Variants in PAK5 observed in about 807,000 individuals in gnomAD.
The protein encoded by PAK5 is p21 (RAC1) activated kinase 5.
In PAK5, 16 loss-of-function variants were observed where a neutral mutation model predicts 65.9. That is an observed-to-expected ratio of 0.24 (90% CI 0.16 to 0.37). The LOEUF is 0.37. Among genes scored for constraint, PAK5 ranks in the 10% least tolerant of loss-of-function variants. The probability of loss-of-function intolerance (pLI) is 1.00; values close to 1 mark genes in which losing one functional copy is unlikely to be tolerated. For missense variants in PAK5, 785 were observed against 903.9 expected, an observed-to-expected ratio of 0.87 and a Z score of 1.69; for synonymous variants, 371 against 354.9, an observed-to-expected ratio of 1.05 and a Z score of -0.51.
At chr20:9,664,646 T>C (rs994794692) in intron 2 of PAK5, among the ~76,000 whole-genome samples, 1 of 152,188 alleles carries the variant, frequency 6.6e-6, no homozygotes, top group Non-Finnish European at 1.5e-5. Flanking sequence ...TTTTTAATTA[T>C]TTCGCCCACA....
intron 1 of PAK5, among the ~76,000 whole-genome samples, chr20:9,816,921 T>C (rs1216221169): frequency 6.6e-6 from 1 of 152,174 alleles, no homozygotes; most frequent in African/African-American, 2.4e-5. Flanking sequence ...GAATCTTGTG[T>C]CTGCTACTAA....
chr20:9,705,107 C>T (rs2047989262), intron 2 of PAK5, among the ~76,000 whole-genome samples: 1 of 152,162 alleles, frequency 6.6e-6, no homozygotes, highest in African/African-American at 2.4e-5. Flanking sequence ...GCTAAATGTG[C>T]TGCAAGGCAC....
At chr20:9,571,908 C>G (rs1474638577) in intron 4 of PAK5, among the ~76,000 whole-genome samples, 1 of 126,290 alleles carries the variant, frequency 7.9e-6, no homozygotes, top group Non-Finnish European at 1.6e-5. Flanking sequence ...CAGGGGCGGG[C>G]AGAGTGGGCA....
chr20:9,596,350 A>G (rs1236032707), intron 3 of PAK5, among the ~76,000 whole-genome samples: 2 of 152,108 alleles, frequency 1.3e-5, no homozygotes, highest in African/African-American at 4.8e-5. Flanking sequence ...GAAATAGACT[A>G]CAGAGGCCAG....
intron 1 of PAK5, among the ~76,000 whole-genome samples, chr20:9,757,577 G>A (rs1190551728): frequency 6.6e-6 from 1 of 152,068 alleles, no homozygotes; most frequent in Non-Finnish European, 1.5e-5. Context: ...GAGTTCAGAG[G>A]TTCTGAGATT....
chr20:9,836,570 A>G (rs1192321263), intron 1 of PAK5, among the ~76,000 whole-genome samples: 2 of 152,158 alleles, frequency 1.3e-5, no homozygotes, highest in African/African-American at 4.8e-5. Context: ...GGCCCTGACA[A>G]CATCTTGATT....
intron 8 of PAK5, among the ~76,000 whole-genome samples, chr20:9,543,389 C>T (rs1164238777): frequency 6.6e-6 from 1 of 152,126 alleles, no homozygotes; most frequent in Non-Finnish European, 1.5e-5. Flanking sequence ...GTCCCACTCA[C>T]TTTCCTGTTA....
chr20:9,825,577 A>C (rs1325751559), intron 1 of PAK5, among the ~76,000 whole-genome samples: 1 of 152,176 alleles, frequency 6.6e-6, no homozygotes, highest in Non-Finnish European at 1.5e-5. Context: ...TTTCCATTTC[A>C]GTTTAGTTCA....
At chr20:9,812,716 ATAGT>A (rs754832090) in intron 1 of PAK5, among the ~76,000 whole-genome samples, 12 of 152,202 alleles carry the variant, frequency 7.9e-5, no homozygotes, top group African/African-American at 2.2e-4. Context: ...AACAAATTAG[ATAGT>A]TAGAAGGAAT....
At chr20:9,669,581 C>G (rs146917849) in intron 2 of PAK5, among the ~76,000 whole-genome samples, 27 of 152,076 alleles carry the variant, frequency 1.8e-4, no homozygotes, top group African/African-American at 6.3e-4. Flanking sequence ...GAGAGAAGAG[C>G]TTTATCTATC....
At chr20:9,701,349 C>T (rs2064283) in intron 2 of PAK5, among the ~76,000 whole-genome samples, 46,968 of 152,020 alleles carry the variant, frequency 0.31, 7,618 homozygotes, top group African/African-American at 0.4. Flanking sequence ...TGAATGTGAG[C>T]GTTCCATAAA....
intron 2 of PAK5, among the ~76,000 whole-genome samples, chr20:9,651,294 G>A (rs2047200046): frequency 6.6e-6 from 1 of 152,120 alleles, no homozygotes; most frequent in Non-Finnish European, 1.5e-5. Flanking sequence ...TCTGTGTCTG[G>A]CTCCTAGCAA....
intron 2 of PAK5, among the ~76,000 whole-genome samples, chr20:9,668,075 A>C (rs896978253): frequency 6.6e-6 from 1 of 152,166 alleles, no homozygotes. Flanking sequence ...GGAAAGAACT[A>C]TTTTCCTTAA....
rs542306807 is a variant in PAK5 at position 9,632,196 on chromosome 20, C to T, written c.204+11929G>A. On this transcript the variant is annotated intron_variant, in intron 3 of 9. Transcript: ENST00000353224. Reference sequence around the variant, plus strand: ...TCATTTCACATTATATAGAATTTCCCAGCTATCAAAGCACAGCTGTCCTTA... The same window carrying T: ...TCATTTCACATTATATAGAATTTCCTAGCTATCAAAGCACAGCTGTCCTTA... Among the ~76,000 whole-genome samples, 4 of 152,264 alleles carry T rather than the reference C, an allele frequency of 2.6e-5. No individual in the cohort carries two copies. The South Asian group carries it at 8.3e-4, about 32-fold the overall frequency.
chr20:9,653,350 A>G (rs1483777932), intron 2 of PAK5, among the ~76,000 whole-genome samples: 2 of 152,192 alleles, frequency 1.3e-5, no homozygotes, highest in African/African-American at 4.8e-5. Flanking sequence ...CTTTATGCCA[A>G]TGAGCCCAAA....
intron 2 of PAK5, among the ~76,000 whole-genome samples, chr20:9,659,590 G>A (rs1032721618): frequency 1.1e-4 from 17 of 152,134 alleles, no homozygotes; most frequent in African/African-American, 4.1e-4. Flanking sequence ...AAACGATAGA[G>A]TATTGGGTAT....
chr20:9,604,156 T>G (rs2046409538), intron 3 of PAK5, among the ~76,000 whole-genome samples: 1 of 152,202 alleles, frequency 6.6e-6, no homozygotes, highest in Non-Finnish European at 1.5e-5. Context: ...GTGGCCAACC[T>G]GATTAGTTCC....
At chr20:9,596,283 A>G (rs567561121) in intron 3 of PAK5, among the ~76,000 whole-genome samples, 10 of 152,172 alleles carry the variant, frequency 6.6e-5, no homozygotes, top group African/African-American at 2.4e-4. Flanking sequence ...GGAAAATACT[A>G]CCCCACTGCA....
At chr20:9,761,979 T>C (rs1391621149) in intron 1 of PAK5, among the ~76,000 whole-genome samples, 1 of 152,084 alleles carries the variant, frequency 6.6e-6, no homozygotes, top group Non-Finnish European at 1.5e-5. Flanking sequence ...AGTCAAATAA[T>C]TGTTGACAAG....
Sources: allele counts gnomAD v4.1 joint callset (sites outside exome capture counted in the v4.1 genomes callset), GRCh38; gene constraint gnomAD v4.1.1; transcripts MANE v1.5; gene names NCBI Gene and HGNC (gene_info 2026-07-23, HGNC 2026-07-21).